Variants in STAT5B observed in about 807,000 individuals in gnomAD.
STAT5B encodes signal transducer and activator of transcription 5B.
A neutral mutation model predicts 107.8 loss-of-function variants in STAT5B; 21 were observed. The observed-to-expected ratio is 0.19, with a 90% CI of 0.14 to 0.28. The LOEUF (loss-of-function observed/expected upper bound fraction) is 0.28, where lower values mean the gene tolerates loss of function less well. Ranked by LOEUF, STAT5B falls within the 10% of genes least tolerant of loss-of-function variation. The pLI, the probability that STAT5B is intolerant of heterozygous loss-of-function variation, is 1.00. For missense variants in STAT5B, 565 were observed against 1,008.2 expected (o/e 0.56, Z 5.95); for synonymous variants, 325 against 401.7 (o/e 0.81, Z 2.28).
At chr17:42,226,665 G>A (rs866042886) in intron 3 of STAT5B, among the ~76,000 whole-genome samples, 3 of 151,602 alleles carry the variant, frequency 2.0e-5, no homozygotes, top group East Asian at 1.9e-4. Context: ...AAAATTAGGC[G>A]GGTGTGGTGG....
chr17:42,217,473 C>G lies in STAT5B; in HGVS notation c.1170-9G>C, dbSNP rs2080182050. 1 of 1,614,044 alleles carries G rather than the reference C, an allele frequency of 6.2e-7. No individual in the cohort carries two copies. The highest frequency in any genetic ancestry group is 8.5e-7 in the Non-Finnish European group (1 of 1,180,030). ...TCTCGCCACTGTAATCACTGCAAAT[C>G]AGAGAGAGACCAGCTCCAAACCCAT... On this transcript the variant is annotated splice_polypyrimidine_tract_variant and intron_variant, in intron 9 of 18. Coordinates refer to ENST00000293328, the MANE Select transcript of STAT5B (RefSeq NM_012448.4).
intron 3 of STAT5B, 88 bp from the exon 4 acceptor site, chr17:42,224,956 A>G (rs1346368541): frequency 7.4e-7 from 1 of 1,343,122 alleles, no homozygotes. Context: ...CTCCTGAGGG[A>G]CCTCCTGAAT....
At chr17:42,264,725 T>C (rs1278692298) in intron 1 of STAT5B, among the ~76,000 whole-genome samples, 1 of 147,348 alleles carries the variant, frequency 6.8e-6, no homozygotes, top group African/African-American at 2.5e-5. Flanking sequence ...ATATACCCAG[T>C]AATGGGATGG....
At chr17:42,274,107 C>A (rs1335710794) in intron 1 of STAT5B, among the ~76,000 whole-genome samples, 1 of 151,930 alleles carries the variant, frequency 6.6e-6, no homozygotes, top group African/African-American at 2.4e-5. Context: ...ATATTAATAT[C>A]CCGTGGGCAA....
chr17:42,230,753 C>T (rs1391050384), intron 2 of STAT5B, among the ~76,000 whole-genome samples: 17 of 151,960 alleles, frequency 1.1e-4, no homozygotes, highest in Admixed American at 8.5e-4. Context: ...CTCTGCCTCC[C>T]GACTTCAAGC....
chr17:42,252,677 T>C (rs777981168), intron 1 of STAT5B, among the ~76,000 whole-genome samples: 22 of 152,214 alleles, frequency 1.4e-4, no homozygotes, highest in Non-Finnish European at 2.8e-4. Flanking sequence ...AATCACACTT[T>C]ATAGAAACCA....
intron 1 of STAT5B, among the ~76,000 whole-genome samples, chr17:42,254,186 G>C (rs954258863): frequency 1.1e-4 from 17 of 151,866 alleles, no homozygotes; most frequent in African/African-American, 4.1e-4. Flanking sequence ...GACCAGCCTG[G>C]GCAACACAGC....
intron 1 of STAT5B, among the ~76,000 whole-genome samples, chr17:42,245,104 G>A (rs2080440220): frequency 7.4e-6 from 1 of 135,458 alleles, no homozygotes; most frequent in African/African-American, 2.9e-5. Flanking sequence ...TTGAGATGGA[G>A]TCTCACTCTG....
intron 15 of STAT5B, 37 bp downstream of exon 15, chr17:42,210,134 C>G: frequency 6.2e-7 from 1 of 1,614,028 alleles, no homozygotes; most frequent in South Asian, 1.1e-5. Context: ...GTAACGAAAG[C>G]AGCTAACTTT....
At chr17:42,245,492 T>C (rs1051272926) in intron 1 of STAT5B, among the ~76,000 whole-genome samples, 1 of 151,978 alleles carries the variant, frequency 6.6e-6, no homozygotes, top group Non-Finnish European at 1.5e-5. Flanking sequence ...GCTGGGACCA[T>C]AGGCATCTGC....
At chr17:42,281,345 T>C (rs934047098), upstream of STAT5B, among the ~76,000 whole-genome samples, 1 of 152,102 alleles carries the variant, frequency 6.6e-6, no homozygotes, top group African/African-American at 2.4e-5. Flanking sequence ...AGAAGGGCCC[T>C]GGGGGACAGG....
Position 42,201,298 on chromosome 17 carries a change from A to C in STAT5B, c.*440T>G. The C allele has an allele frequency of 2.0e-6, 1 of 507,468 alleles. No homozygotes were observed. Among genetic ancestry groups the C allele is most frequent in the Non-Finnish European group, 3.5e-6 (1 of 288,976 alleles). The allele number at this position is 507,468 out of a possible 1,614,324, so 31.4% of individuals were successfully genotyped here. ...TTGCTTGGCAGACAGAGTGACGAAG[A>C]CTCACTGGAGCACATGTGCTTTCTC... On this transcript the variant is annotated 3_prime_UTR_variant, in exon 19 of 19. Coordinates refer to ENST00000293328, the MANE Select transcript of STAT5B (RefSeq NM_012448.4).
intron 12 of STAT5B, among the ~76,000 whole-genome samples, chr17:42,215,291 T>C (rs116226826): frequency 0.014 from 2,117 of 152,190 alleles, 44 homozygotes; most frequent in African/African-American, 0.049. Context: ...ACCTCTGGAG[T>C]GAACCTAGGA....
chr17:42,216,145 T>C (rs1433254533), intron 11 of STAT5B, 39 bp from the exon 12 acceptor site: 1 of 1,554,144 alleles, frequency 6.4e-7, no homozygotes, highest in Non-Finnish European at 8.8e-7. Flanking sequence ...CCCACGAGCC[T>C]CAAGTTCTTC....
chr17:42,267,157 A>G (rs1431993999), intron 1 of STAT5B, among the ~76,000 whole-genome samples: 1 of 152,248 alleles, frequency 6.6e-6, no homozygotes, highest in African/African-American at 2.4e-5. Flanking sequence ...CTGCACTGCC[A>G]GTCATGTGAA....
chr17:42,265,240 T>C (rs2080657648), intron 1 of STAT5B, among the ~76,000 whole-genome samples: 1 of 152,168 alleles, frequency 6.6e-6, no homozygotes, highest in Non-Finnish European at 1.5e-5. Flanking sequence ...ATTTTGTCTT[T>C]TGTTGCCATC....
intron 16 of STAT5B, among the ~76,000 whole-genome samples, chr17:42,207,319 G>T (rs1380297799): frequency 2.6e-5 from 4 of 152,028 alleles, no homozygotes; most frequent in Non-Finnish European, 5.9e-5. Context: ...GTATTAAAAA[G>T]AATTTGTTTT....
chr17:42,231,939 A>G, intron 2 of STAT5B, 61 bp downstream of exon 2: 5 of 1,608,840 alleles, frequency 3.1e-6, no homozygotes, highest in Non-Finnish European at 4.3e-6. Flanking sequence ...ACATCTTTCT[A>G]AACAAACTCC....
intron 1 of STAT5B, among the ~76,000 whole-genome samples, chr17:42,247,491 G>T (rs543262714): frequency 1.8e-4 from 27 of 152,240 alleles, no homozygotes; most frequent in Admixed American, 1.2e-3. Flanking sequence ...AGAGAGAAAC[G>T]CTTCATCAGC....
Sources: allele counts gnomAD v4.1 joint callset (sites outside exome capture counted in the v4.1 genomes callset), GRCh38; gene constraint gnomAD v4.1.1; transcripts MANE v1.5; gene names NCBI Gene and HGNC (gene_info 2026-07-23, HGNC 2026-07-21).